FECH: variants seen among roughly 807,000 people sequenced by gnomAD.
FECH encodes the protein ferrochelatase, mitochondrial.
FECH carries 40 observed loss-of-function variants against 56.9 expected under a neutral mutation model. The ratio of observed to expected loss-of-function variants is 0.70; its 90% CI spans 0.55 to 0.92. The LOEUF is 0.92. FECH is among the 40% of genes least tolerant of loss of function. The pLI is 0.00. For missense variants in FECH, 431 were observed against 529.1 expected (o/e 0.81, Z 1.82); for synonymous variants, 175 against 198.6 (o/e 0.88, Z 1.00).
chr18:57,547,358 T>A lies in FECH; in HGVS notation c.*3354A>T, dbSNP rs964784680. ...ACCCAAATCTCATTTCAAATTGTAA[T>A]CCCCATAATCCCCACGTGTTGAGGG... On this transcript the variant is annotated 3_prime_UTR_variant, in exon 11 of 11. Coordinates refer to ENST00000262093, the MANE Select transcript of FECH (RefSeq NM_000140.5). Among the ~76,000 whole-genome samples the A allele has an allele frequency of 1.3e-5, 2 of 152,098 alleles. No individual in the cohort carries two copies. The highest frequency in any genetic ancestry group is 2.1e-4 in the South Asian group (1 of 4,808).
At chr18:57,570,025 TTGTTGTCGTGTGTGTGTGTGTG>T (rs1211849632) in intron 4 of FECH, among the ~76,000 whole-genome samples, 1 of 113,402 alleles carries the variant, frequency 8.8e-6, no homozygotes, top group Non-Finnish European at 1.9e-5. Flanking sequence ...GTTGTTGTTG[TTGTTGTCGTGTGTGTGTGTGTG>T]TGTGTGTGTG....
chr18:57,563,725 T>C (rs898718533), intron 5 of FECH, among the ~76,000 whole-genome samples: 1 of 152,100 alleles, frequency 6.6e-6, no homozygotes, highest in Non-Finnish European at 1.5e-5. Context: ...CAGTCATTGC[T>C]TTACTCTAAT....
At chr18:57,565,466 C>T (rs1055189322) in intron 5 of FECH, among the ~76,000 whole-genome samples, 14 of 151,622 alleles carry the variant, frequency 9.2e-5, no homozygotes, top group Admixed American at 7.2e-4. Context: ...ATTAGCCGAG[C>T]GTGGTGGCAC....
In FECH at chr18:57,545,368, C is replaced by T. The variant is rs1378137156; in HGVS notation, c.*5344G>A. 6.6e-6 allele frequency among the ~76,000 whole-genome samples: 1 copy of T among 152,280 alleles called. No individual in the cohort carries two copies. The highest frequency in any genetic ancestry group is 6.5e-5 in the Admixed American group (1 of 15,298). On this transcript the variant is annotated 3_prime_UTR_variant, in exon 11 of 11. Coordinates refer to ENST00000262093, the MANE Select transcript of FECH (RefSeq NM_000140.5). The stretch of plus-strand genomic sequence containing the variant: ...TGATTCCAGCTAAAAACAACGAAGC[C>T]GGTACTATCACAGTATGTTGTAAGA...
At chr18:57,586,455 G>T in intron 1 of FECH, 99 bp downstream of exon 1, 2 of 1,325,810 alleles carry the variant, frequency 1.5e-6, no homozygotes, top group Non-Finnish European at 2.0e-6. Context: ...GCCGCTCCCC[G>T]AATCCCCCGG....
intron 1 of FECH, among the ~76,000 whole-genome samples, chr18:57,584,503 A>T (rs2051336578): frequency 1.3e-5 from 2 of 152,134 alleles, no homozygotes; most frequent in Admixed American, 6.5e-5. Flanking sequence ...TTAAGTATCA[A>T]CTGGTTCTTC....
intron 6 of FECH, among the ~76,000 whole-genome samples, chr18:57,561,380 G>A (rs1449678263): frequency 6.6e-6 from 1 of 152,118 alleles, no homozygotes. Context: ...GGCTTGCAAA[G>A]CTGCAAGTAA....
Position 57,548,507 on chromosome 18 carries a change from G to A in FECH, c.*2205C>T, listed in dbSNP as rs1430697433. 6.6e-6 allele frequency: 1 copy of A among 152,170 alleles called. No individual in the cohort carries two copies. The highest frequency in any genetic ancestry group is 2.4e-5 in the African/African-American group (1 of 41,432). The allele number at this position is 152,170 out of a possible 1,614,324, so 9.4% of individuals were successfully genotyped here. A position where few individuals can be genotyped will look rare whatever the true frequency, so the allele number is the denominator to read the frequency against. ...TAAAAGCCAGATCCGTATATACACA[G>A]CTGAAGAAACTGCCAGCAGTTCATT... On this transcript the variant is annotated 3_prime_UTR_variant, in exon 11 of 11. Coordinates refer to ENST00000262093, the MANE Select transcript of FECH (RefSeq NM_000140.5).
intron 10 of FECH, 26 bp from the exon 11 acceptor site, chr18:57,550,872 C>T (rs776285371): frequency 1.7e-5 from 27 of 1,612,542 alleles, no homozygotes; most frequent in Middle Eastern, 3.9e-4. Flanking sequence ...GAGGCAAAGA[C>T]GCATGAGAAG....
At position 57,547,056 on chromosome 18, in the gene FECH, G is replaced by A. The variant is rs886053974; in HGVS notation, c.*3656C>T. 4.0e-5 allele frequency among the ~76,000 whole-genome samples: 6 copies of A among 151,570 alleles called. No homozygotes were observed. Among genetic ancestry groups the A allele is most frequent in the Non-Finnish European group, 2.9e-5 (2 of 67,914 alleles). ...ATGGGGCCTGTAGCCCCTGTGTTTT[G>A]GCCAATTTCTCCCATTTGGAATGGG... is the stretch of plus-strand genomic sequence containing the variant. On this transcript the variant is annotated 3_prime_UTR_variant, in exon 11 of 11. Coordinates refer to ENST00000262093, the MANE Select transcript of FECH (RefSeq NM_000140.5).
intron 9 of FECH, among the ~76,000 whole-genome samples, chr18:57,552,004 C>T (rs2050806967): frequency 6.6e-6 from 1 of 151,874 alleles, no homozygotes; most frequent in African/African-American, 2.4e-5. Flanking sequence ...CTGCCTCAGC[C>T]TCTCAAGTAG....
At position 57,554,971 on chromosome 18, in the gene FECH, G is replaced by A. The variant is rs1327486071; in HGVS notation, c.805-19C>T. The A allele has an allele frequency of 1.3e-6, 2 of 1,598,976 alleles. No homozygotes were observed. The highest frequency in any genetic ancestry group is 2.2e-5 in the East Asian group (1 of 44,784). The stretch of plus-strand genomic sequence containing the variant: ...TGACCACCTGCAGCAGAGACACAAT[G>A]GGTGTTCAGCCATTAACACTGGGAA... On this transcript the variant is annotated intron_variant, in intron 7 of 10. Coordinates refer to ENST00000262093, the MANE Select transcript of FECH (RefSeq NM_000140.5).
At chr18:57,554,141 C>G in intron 9 of FECH, 119 bp downstream of exon 9, 3 of 843,590 alleles carry the variant, frequency 3.6e-6, no homozygotes, top group Non-Finnish European at 5.8e-6. Context: ...AGAATGAGGA[C>G]ACCGTACATG....
At chr18:57,569,098 A>C (rs988838622) in intron 4 of FECH, among the ~76,000 whole-genome samples, 2 of 152,256 alleles carry the variant, frequency 1.3e-5, no homozygotes, top group South Asian at 4.1e-4. Flanking sequence ...GAACAGAATT[A>C]TTTCATGAGC....
chr18:57,575,698 A>G (rs552830099), intron 2 of FECH, among the ~76,000 whole-genome samples: 1 of 152,350 alleles, frequency 6.6e-6, no homozygotes, highest in East Asian at 1.9e-4. Context: ...TGCTGAGATT[A>G]CAGGTGTGAG....
At chr18:57,575,639 C>T (rs1216162657) in intron 2 of FECH, among the ~76,000 whole-genome samples, 7 of 152,132 alleles carry the variant, frequency 4.6e-5, no homozygotes, top group East Asian at 1.9e-4. Context: ...GACAGAGTCT[C>T]GCCATGTGGC....
In FECH at chr18:57,554,887, C is replaced by T. The variant is rs758229194; in HGVS notation, c.870G>A (p.Arg290=). ...GTCGGTAGGGGTTGCAGTACTCCAG[C>T]CTTTCCATGACTTTTTGGACAGTGG... ...VSATVQKVME[R]LEYCNPYRLV... Residue 290 remains arginine (R), a synonymous_variant, in exon 8 of 11, where the codon AGG becomes AGA. Coordinates refer to ENST00000262093, the MANE Select transcript of FECH (RefSeq NM_000140.5). The T allele has an allele frequency of 1.9e-6, 3 of 1,614,200 alleles. No homozygotes were observed. The highest frequency in any genetic ancestry group is 2.5e-6 in the Non-Finnish European group (3 of 1,180,022).
At chr18:57,585,914 T>TGCTGTCCCAGCCAGGTGTGTGAGATCC (rs2051364942) in intron 1 of FECH, 1 of 152,310 alleles carries the variant, frequency 6.6e-6, no homozygotes, top group Non-Finnish European at 1.5e-5. Flanking sequence ...CAGTTGGAAA[T>TGCTGTCCCAGCCAGGTGTGTGAGATCC]GCTGTCCCAG....
chr18:57,583,859 A>C (rs1055586828), intron 1 of FECH, among the ~76,000 whole-genome samples: 1 of 152,048 alleles, frequency 6.6e-6, no homozygotes, highest in African/African-American at 2.4e-5. Flanking sequence ...AAACCGACAG[A>C]TAAGCAGCAA....
Sources: gnomAD v4.1 joint callset for allele counts (sites outside exome capture counted in the v4.1 genomes callset) on GRCh38, gnomAD v4.1.1 for gene constraint, MANE v1.5 for transcripts, NCBI Gene and HGNC (gene_info 2026-07-23, HGNC 2026-07-21) for gene names.